Variants in ARHGEF26 observed in about 807,000 individuals in gnomAD.
The protein encoded by ARHGEF26 is Rho guanine nucleotide exchange factor 26.
A neutral mutation model predicts 89.4 loss-of-function variants in ARHGEF26; 59 were observed. The observed-to-expected ratio is 0.66, with a 90% CI of 0.54 to 0.82. The LOEUF (loss-of-function observed/expected upper bound fraction) is 0.82. ARHGEF26 is among the 40% of genes least tolerant of loss of function. The pLI is 0.00. For missense variants in ARHGEF26, 1,234 were observed against 1,085.6 expected (o/e 1.14, Z -1.92); for synonymous variants, 500 against 428.4 (o/e 1.17, Z -2.06).
chr3:154,248,844 A>G lies in ARHGEF26; in HGVS notation c.2301-4272A>G, dbSNP rs137953862. 3.2e-3 allele frequency among the ~76,000 whole-genome samples: 487 copies of G among 152,320 alleles called. 1 individual carries two copies. The highest frequency in any genetic ancestry group is 0.011 in the African/African-American group (454 of 41,574). On this transcript the variant is annotated intron_variant, in intron 12 of 14. Transcript: ENST00000465093. ...AATTTGGCAAATTGAACTGATATCTAGTTTTTTAAGGCCTGGTCTCAGCAT... is the reference window on the plus strand; with the variant it reads ...AATTTGGCAAATTGAACTGATATCTGGTTTTTTAAGGCCTGGTCTCAGCAT...
At chr3:154,232,579 T>C (rs1449525928) in intron 11 of ARHGEF26, among the ~76,000 whole-genome samples, 4 of 152,182 alleles carry the variant, frequency 2.6e-5, no homozygotes, top group Non-Finnish European at 5.9e-5. Context: ...ATCAGGCTTT[T>C]AACAAAATGT....
rs568838880 is a variant in ARHGEF26 at position 154,179,401 on chromosome 3, G to C, written c.1488-8284G>C. Among the ~76,000 whole-genome samples the C allele has an allele frequency of 7.7e-4, 118 of 152,268 alleles. 1 individual carries two copies. The highest frequency in any genetic ancestry group is 2.8e-3 in the African/African-American group (115 of 41,542). ...TAATGAGAAGCTTTCTTGCTTTTTAGAGTATCTTTCAGAGAATCTGCTGGA... is the reference window on the plus strand; with the variant it reads ...TAATGAGAAGCTTTCTTGCTTTTTACAGTATCTTTCAGAGAATCTGCTGGA... On this transcript the variant is annotated intron_variant, in intron 6 of 14. Coordinates refer to ENST00000465093, the MANE Select transcript of ARHGEF26 (RefSeq NM_015595.4).
At chr3:154,211,504 G>A (rs1475539361) in intron 9 of ARHGEF26, among the ~76,000 whole-genome samples, 1 of 149,674 alleles carries the variant, frequency 6.7e-6, no homozygotes, top group Non-Finnish European at 1.5e-5. Context: ...TGCCGCTGCT[G>A]TAGGAGACGG....
rs78940840 is a variant in ARHGEF26, at chr3:154,221,869, T to G, written c.1935+3911T>G. Among the ~76,000 whole-genome samples, 10 of 152,230 alleles carry G rather than the reference T, an allele frequency of 6.6e-5. No homozygotes were observed. In the East Asian group the frequency reaches 1.9e-3, roughly 29 times the overall value. On this transcript the variant is annotated intron_variant, in intron 10 of 14. Coordinates refer to ENST00000465093, the MANE Select transcript of ARHGEF26 (RefSeq NM_015595.4). ...GCCACCCACTCACTCAGATAGGAAA[T>G]TCAGGAGGAGGAACAAGTTTTGGGG...
chr3:154,190,149 C>G (rs140349704), intron 7 of ARHGEF26, among the ~76,000 whole-genome samples: 8 of 152,234 alleles, frequency 5.3e-5, no homozygotes, highest in African/African-American at 1.9e-4. Context: ...TACAGAGCTC[C>G]TCATGGGATG....
intron 9 of ARHGEF26, among the ~76,000 whole-genome samples, chr3:154,207,935 C>T (rs1165788070): frequency 6.6e-6 from 1 of 152,146 alleles, no homozygotes; most frequent in Non-Finnish European, 1.5e-5. Context: ...GAGATCATGT[C>T]CTTTGCAGGG....
chr3:154,143,555 G>A (rs1157981061), intron 4 of ARHGEF26, among the ~76,000 whole-genome samples: 3 of 152,024 alleles, frequency 2.0e-5, no homozygotes, highest in Non-Finnish European at 4.4e-5. Flanking sequence ...CAAAATTTAA[G>A]GCTGATTAAG....
chr3:154,129,027 G>A (rs1277705650), intron 3 of ARHGEF26, among the ~76,000 whole-genome samples: 2 of 152,158 alleles, frequency 1.3e-5, no homozygotes, highest in South Asian at 2.1e-4. Context: ...CCGGTTCCTA[G>A]TAGGTGTTTT....
chr3:154,217,257 G>A (rs1316486721), intron 9 of ARHGEF26, among the ~76,000 whole-genome samples: 7 of 150,674 alleles, frequency 4.6e-5, no homozygotes, highest in Admixed American at 4.6e-4. Flanking sequence ...TCTCATTGTG[G>A]TTTTGATTTG....
chr3:154,131,485 C>A (rs545167552), intron 4 of ARHGEF26, among the ~76,000 whole-genome samples: 1 of 152,152 alleles, frequency 6.6e-6, no homozygotes, highest in Non-Finnish European at 1.5e-5. Flanking sequence ...AGCCTTATAC[C>A]CTAATCTAAT....
Position 154,152,785 on chromosome 3 carries a change from T to C in ARHGEF26, c.1340T>C (p.Val447Ala). 6.6e-7 allele frequency: 1 copy of C among 1,523,668 alleles called. No individual in the cohort carries two copies. The highest frequency in any genetic ancestry group is 1.3e-5 in the South Asian group (1 of 75,456). The allele number at this position is 1,523,668 out of a possible 1,614,324, so 94.4% of individuals were successfully genotyped here. A position where few individuals can be genotyped will look rare whatever the true frequency, so the allele number is the denominator to read the frequency against. ...ERKRQEAIFE[V>A]ISSEHSYLLS... ...CCTTCTTACCAGGCTATCTTTGAAG[T>C]CATATCCTCTGAACATTCATATTTA... The change falls in exon 6 of 15, where the codon GTC becomes GCC. Residue 447 changes from valine to alanine, a missense_variant. Val to Ala is a moderately conservative substitution (Grantham distance 64). Coordinates refer to ENST00000465093, the MANE Select transcript of ARHGEF26 (RefSeq NM_015595.4).
At chr3:154,251,782 A>G (rs1210474465) in intron 12 of ARHGEF26, among the ~76,000 whole-genome samples, 1 of 152,222 alleles carries the variant, frequency 6.6e-6, no homozygotes, top group Non-Finnish European at 1.5e-5. Context: ...CAAAAGAAGC[A>G]TGGTAATAGA....
chr3:154,219,537 T>C (rs116096565), intron 10 of ARHGEF26, among the ~76,000 whole-genome samples: 1,617 of 148,286 alleles, frequency 0.011, 23 homozygotes, highest in African/African-American at 0.038. Flanking sequence ...AGAGGTTGCA[T>C]TGAGTTGATA....
chr3:154,186,616 G>A (rs1431946868), intron 6 of ARHGEF26, among the ~76,000 whole-genome samples: 2 of 151,736 alleles, frequency 1.3e-5, no homozygotes, highest in South Asian at 2.1e-4. Flanking sequence ...ATAAAAATTA[G>A]CCAGGCATGG....
At chr3:154,219,229 G>A (rs1576794398) in intron 10 of ARHGEF26, among the ~76,000 whole-genome samples, 1 of 152,044 alleles carries the variant, frequency 6.6e-6, no homozygotes, top group Non-Finnish European at 1.5e-5. Flanking sequence ...CCTTTTGAAA[G>A]ATGAAAAATT....
intron 6 of ARHGEF26, among the ~76,000 whole-genome samples, chr3:154,176,539 G>A (rs374444758): frequency 6.6e-6 from 1 of 152,186 alleles, no homozygotes; most frequent in African/African-American, 2.4e-5. Flanking sequence ...TGAAAGGAGA[G>A]TTCGCAATGA....
chr3:154,122,778 T>C lies in ARHGEF26; in HGVS notation c.786T>C (p.Ser262=). ...PKSLASEIKI[S]KSNNQNVEPH... ...GTCTGGCCTCGGAAATTAAAATAAG[T>C]AAATCCAACAATCAAAATGTGGAGC... is the stretch of plus-strand genomic sequence containing the variant. The change falls in exon 2 of 15, where the codon AGT becomes AGC. Residue 262 remains serine, a synonymous_variant. Coordinates refer to ENST00000465093, the MANE Select transcript of ARHGEF26 (RefSeq NM_015595.4). 1 of 1,610,802 alleles carries C rather than the reference T, an allele frequency of 6.2e-7. No individual in the cohort carries two copies. The highest frequency in any genetic ancestry group is 8.5e-7 in the Non-Finnish European group (1 of 1,178,420).
chr3:154,135,479 A>T (rs1718946161), intron 4 of ARHGEF26, among the ~76,000 whole-genome samples: 1 of 152,120 alleles, frequency 6.6e-6, no homozygotes, highest in Admixed American at 6.5e-5. Flanking sequence ...GGTTGGTCAA[A>T]TGTGGAAGGG....
intron 5 of ARHGEF26, 117 bp from the exon 6 acceptor site, chr3:154,152,655 A>G (rs956249319): frequency 5.7e-6 from 4 of 699,330 alleles, no homozygotes; most frequent in Non-Finnish European, 8.4e-6. Flanking sequence ...TGTACTTTCC[A>G]AGATACTATA....
Sources: allele counts gnomAD v4.1 joint callset (sites outside exome capture counted in the v4.1 genomes callset), GRCh38; gene constraint gnomAD v4.1.1; transcripts MANE v1.5; gene names NCBI Gene and HGNC (gene_info 2026-07-23, HGNC 2026-07-21).